Variants in CUL4B observed in about 807,000 individuals in gnomAD.
CUL4B encodes the protein cullin-4B.
CUL4B carries 1 observed loss-of-function variant against 69.2 expected under a neutral mutation model. The ratio of observed to expected loss-of-function variants is 0.01; its 90% CI spans 0.01 to 0.07. CUL4B has a LOEUF of 0.07. Among genes scored for constraint, CUL4B ranks in the 10% least tolerant of loss-of-function variants. CUL4B has a pLI of 1.00. For synonymous variants in CUL4B, 237 were observed against 223.2 expected (o/e 1.06, Z -0.55); for missense variants, 328 against 638.8 (o/e 0.51, Z 5.24).
At chrX:120,566,354 T>TAC (rs1160191093), upstream of CUL4B, among the ~76,000 whole-genome samples, 1 of 35,572 alleles carries the variant, frequency 2.8e-5, no homozygotes, top group Non-Finnish European at 5.5e-5. Flanking sequence ...GGTATATATA[T>TAC]ATATATATAT....
intron 2 of CUL4B, among the ~76,000 whole-genome samples, chrX:120,553,124 A>G (rs896539818): frequency 8.9e-6 from 1 of 112,231 alleles, no homozygotes; most frequent in Non-Finnish European, 1.9e-5. Flanking sequence ...TCAAAATAAC[A>G]AAGAGTAGAA....
chrX:120,536,840 T>C (rs1923703274), intron 15 of CUL4B, 87 bp downstream of exon 15: 1 of 681,519 alleles, frequency 1.5e-6, no homozygotes, highest in Non-Finnish European at 2.4e-6. Flanking sequence ...CTCTATTTTT[T>C]TCTAAGTATC....
upstream of CUL4B, among the ~76,000 whole-genome samples, chrX:120,565,722 C>CTT (rs757952500): frequency 1.3e-4 from 8 of 59,440 alleles, no homozygotes; most frequent in East Asian, 6.0e-4. Flanking sequence ...AGTCCATTTA[C>CTT]TTTTTTTTTT....
At chrX:120,561,118 A>C (rs935522117), upstream of CUL4B, 16 of 1,013,455 alleles carry the variant, frequency 1.6e-5, no homozygotes, top group Non-Finnish European at 2.0e-5. Context: ...GCGCCGAGGG[A>C]GGGGCGGTGT....
At chrX:120,537,451 C>T (rs777791888) in intron 14 of CUL4B, among the ~76,000 whole-genome samples, 34 of 110,538 alleles carry the variant, frequency 3.1e-4, no homozygotes, top group South Asian at 2.7e-3. Context: ...TTCACTTGCT[C>T]CACTGCCTGT....
intron 18 of CUL4B, 124 bp from the exon 19 acceptor site, chrX:120,530,378 G>A: frequency 1.6e-6 from 1 of 640,215 alleles, no homozygotes; most frequent in Non-Finnish European, 2.5e-6. Context: ...TCTAAATGGG[G>A]TCTTATAAAT....
chrX:120,538,325 T>C, intron 13 of CUL4B, 116 bp from the exon 14 acceptor site: 2 of 496,217 alleles, frequency 4.0e-6, no homozygotes, highest in South Asian at 6.8e-5. Context: ...GTAACTTTCA[T>C]AAGAATAAAA....
upstream of CUL4B, chrX:120,561,029 A>C: frequency 1.1e-6 from 1 of 940,439 alleles, no homozygotes. Context: ...GTTGGGGGAA[A>C]GGGGGAGGGG....
At chrX:120,574,689 G>T in intron 1 of CUL4B, 1 of 861,556 alleles carries the variant, frequency 1.2e-6, no homozygotes, top group Non-Finnish European at 1.7e-6. Flanking sequence ...TCTGTATAGT[G>T]TTATGAATTC....
chrX:120,550,151 TTA>T (rs1483451827), intron 2 of CUL4B, among the ~76,000 whole-genome samples: 3 of 111,988 alleles, frequency 2.7e-5, no homozygotes, highest in African/African-American at 9.7e-5. Flanking sequence ...CCACACTGAC[TTA>T]GTCATTGAGT....
intron 2 of CUL4B, among the ~76,000 whole-genome samples, chrX:120,549,431 T>C (rs1249099900): frequency 9.0e-6 from 1 of 111,497 alleles, no homozygotes; most frequent in Non-Finnish European, 1.9e-5. Flanking sequence ...GTGCACCAGC[T>C]ACTCGGGAGG....
At chrX:120,529,971 A>T in intron 19 of CUL4B, 131 bp downstream of exon 19, 1 of 700,807 alleles carries the variant, frequency 1.4e-6, no homozygotes, top group African/African-American at 2.2e-5. Context: ...ATATGCATCA[A>T]CATGGGAAAT....
chrX:120,544,364 T>C, intron 6 of CUL4B, 117 bp downstream of exon 6: 2 of 861,001 alleles, frequency 2.3e-6, no homozygotes, highest in South Asian at 4.2e-5. Flanking sequence ...TGCTCATATA[T>C]GAGATGTGCT....
At chrX:120,546,947 CACACGTAGTCCTGG>C (rs1924375224) in intron 3 of CUL4B, among the ~76,000 whole-genome samples, 175 bp downstream of exon 3, 1 of 111,444 alleles carries the variant, frequency 9.0e-6, no homozygotes, top group East Asian at 2.8e-4. Context: ...ACATGAATAC[CACACGTAGTCCTGG>C]ACACGAATTA....
intron 17 of CUL4B, 33 bp from the exon 18 acceptor site, chrX:120,532,627 A>G (rs758494473): frequency 9.0e-7 from 1 of 1,107,254 alleles, no homozygotes; most frequent in Non-Finnish European, 1.2e-6. Context: ...GTTATTTGTT[A>G]CCAGCATGAA....
chrX:120,561,015 TGTGGTTGGGGGAAAGGGGGAGGGGGA>T, upstream of CUL4B: 1 of 948,153 alleles, frequency 1.1e-6, no homozygotes, highest in Non-Finnish European at 1.3e-6. Context: ...GGGGAGAGGC[TGTGGTTGGGGGAAAGGGGGAGGGGGA>T]AAGAACCAGG....
chrX:120,573,032 A>G (rs1350839205), intron 2 of CUL4B, among the ~76,000 whole-genome samples: 1 of 111,790 alleles, frequency 8.9e-6, no homozygotes, highest in Non-Finnish European at 1.9e-5. Context: ...AATATAGAAG[A>G]ATATAGGATA....
intron 3 of CUL4B, 37 bp downstream of exon 3, chrX:120,547,099 C>T: frequency 4.0e-6 from 4 of 992,595 alleles, no homozygotes; most frequent in Non-Finnish European, 5.7e-6. Context: ...GAGAGGAAGA[C>T]AAAACTATTC....
At chrX:120,548,767 G>GA (rs1349187841) in intron 2 of CUL4B, among the ~76,000 whole-genome samples, 1 of 110,652 alleles carries the variant, frequency 9.0e-6, no homozygotes, top group African/African-American at 3.3e-5. Flanking sequence ...CCAGGAGGTG[G>GA]AGGGTGCAGT....
Sources: gnomAD v4.1 joint callset for allele counts (sites outside exome capture counted in the v4.1 genomes callset) on GRCh38, gnomAD v4.1.1 for gene constraint, MANE v1.5 for transcripts, NCBI Gene and HGNC (gene_info 2026-07-23, HGNC 2026-07-21) for gene names.